Variants in EXOC4 observed in about 807,000 individuals in gnomAD.
EXOC4 encodes exocyst complex component 4.
In EXOC4, 71 loss-of-function variants were observed where a neutral mutation model predicts 107.2. That is an observed-to-expected ratio of 0.66 (90% CI 0.55 to 0.81). The LOEUF is 0.81. EXOC4 is among the 30% of genes least tolerant of loss of function. The probability of loss-of-function intolerance (pLI) is 0.00; values close to 1 mark genes in which losing one functional copy is unlikely to be tolerated. For missense variants in EXOC4, 1,108 were observed against 1,189.6 expected (o/e 0.93, Z 1.01); for synonymous variants, 456 against 441.2 (o/e 1.03, Z -0.42).
intron 9 of EXOC4, among the ~76,000 whole-genome samples, chr7:133,522,314 G>A (rs1158622152): frequency 6.6e-6 from 1 of 152,036 alleles, no homozygotes; most frequent in Admixed American, 6.6e-5. Flanking sequence ...TATAGACTTT[G>A]CACATAATGA....
At chr7:133,973,291 A>G (rs1208696143) in intron 14 of EXOC4, among the ~76,000 whole-genome samples, 1 of 152,236 alleles carries the variant, frequency 6.6e-6, no homozygotes, top group Non-Finnish European at 1.5e-5. Context: ...GGGGAATGTA[A>G]GTATCAAGGA....
chr7:133,977,655 C>G (rs1793870315), intron 14 of EXOC4, among the ~76,000 whole-genome samples: 1 of 151,588 alleles, frequency 6.6e-6, no homozygotes, highest in African/African-American at 2.4e-5. Flanking sequence ...TTTTTCTTTG[C>G]TTTGGGTTGG....
At chr7:133,257,369 C>T (rs1443164867) in intron 1 of EXOC4, among the ~76,000 whole-genome samples, 2 of 144,724 alleles carry the variant, frequency 1.4e-5, no homozygotes, top group African/African-American at 5.4e-5. Context: ...CACACACGCA[C>T]ACACACACAC....
At chr7:133,332,637 A>G (rs886364805) in intron 5 of EXOC4, among the ~76,000 whole-genome samples, 1 of 152,200 alleles carries the variant, frequency 6.6e-6, no homozygotes, top group Admixed American at 6.5e-5. Context: ...ATATATTTGT[A>G]TATTTTCCTG....
At chr7:133,820,154 A>ATTTTTTTTTTTTT (rs35640945) in intron 11 of EXOC4, among the ~76,000 whole-genome samples, 9 of 70,282 alleles carry the variant, frequency 1.3e-4, no homozygotes, top group East Asian at 3.6e-4. Context: ...CACCTGCTTC[A>ATTTTTTTTTTTTT]TTTTTTTTTT....
Position 133,594,493 on chromosome 7 carries a change from C to CTTTTTTTTTTTTTTTTTTTTTTTTTT in EXOC4, c.1418-35532_1418-35531insTTTTTTTTTTTTTTTTTTTTTTTTTT, listed in dbSNP as rs532692119. On this transcript the variant is annotated intron_variant, in intron 9 of 17. Coordinates refer to ENST00000253861, the MANE Select transcript of EXOC4 (RefSeq NM_021807.4). ...AGACAAGAAATACATAAGCTTGAGT[C>CTTTTTTTTTTTTTTTTTTTTTTTTTT]TTTTTTTTTTTTTTTTTTTTGAGAC... Among the ~76,000 whole-genome samples the CTTTTTTTTTTTTTTTTTTTTTTTTTT allele has an allele frequency of 2.2e-5, 2 of 90,362 alleles. 1 individual carries two copies. Among genetic ancestry groups the CTTTTTTTTTTTTTTTTTTTTTTTTTT allele is most frequent in the African/African-American group, 9.1e-5 (2 of 22,058 alleles). 59.3% of individuals were successfully genotyped at this position (90,362 alleles called of 152,430 possible). A position where few individuals can be genotyped will look rare whatever the true frequency, so the allele number is the denominator to read the frequency against.
intron 14 of EXOC4, among the ~76,000 whole-genome samples, chr7:133,990,020 C>T (rs145510027): frequency 9.2e-5 from 14 of 152,094 alleles, no homozygotes; most frequent in Admixed American, 2.6e-4. Context: ...TATAGCTGTA[C>T]GTATTTTGGG....
At chr7:133,631,004 TGC>T (rs1324495199) in intron 10 of EXOC4, among the ~76,000 whole-genome samples, 1 of 152,200 alleles carries the variant, frequency 6.6e-6, no homozygotes, top group Non-Finnish European at 1.5e-5. Flanking sequence ...CATAACCATG[TGC>T]GCATAGTTAA....
rs561233484 is a variant in EXOC4, at chr7:133,697,417, T to A, written c.1514+67276T>A. On this transcript the variant is annotated intron_variant, in intron 10 of 17. Transcript: ENST00000253861. ...AATGTTATTATTTCCCTTTTTTCCATTGAGCATTGAAGGTTTTTAAAACTT... is the reference window on the plus strand; with the variant it reads ...AATGTTATTATTTCCCTTTTTTCCAATGAGCATTGAAGGTTTTTAAAACTT... 1.0e-3 allele frequency among the ~76,000 whole-genome samples: 155 copies of A among 152,356 alleles called. 1 individual carries two copies. The highest frequency in any genetic ancestry group is 1.5e-3 in the Non-Finnish European group (100 of 68,038).
At chr7:133,743,267 C>T (rs531392292) in intron 10 of EXOC4, among the ~76,000 whole-genome samples, 3 of 152,082 alleles carry the variant, frequency 2.0e-5, no homozygotes, top group African/African-American at 2.4e-5. Flanking sequence ...CTTGTTTTCC[C>T]ATCTCCAGAA....
chr7:134,027,266 A>C (rs183703786), intron 17 of EXOC4, among the ~76,000 whole-genome samples: 22 of 152,300 alleles, frequency 1.4e-4, no homozygotes, highest in African/African-American at 5.1e-4. Context: ...TGAACTGTGG[A>C]GGAAACAGAA....
Position 133,361,453 on chromosome 7 carries a change from T to C in EXOC4, c.1007+4880T>C, listed in dbSNP as rs940316571. 2.0e-5 allele frequency among the ~76,000 whole-genome samples: 3 copies of C among 152,272 alleles called. No homozygotes were observed. In the South Asian group the frequency reaches 6.2e-4, roughly 32 times the overall value. On this transcript the variant is annotated intron_variant, in intron 6 of 17. Transcript: ENST00000253861. Reference sequence around the variant, plus strand: ...CTGCCACCACGCCCGGCTAATTTTTTGTATTTTTTGTAGAGACGGGGTTTC... The same window carrying C: ...CTGCCACCACGCCCGGCTAATTTTTCGTATTTTTTGTAGAGACGGGGTTTC...
intron 13 of EXOC4, among the ~76,000 whole-genome samples, chr7:133,926,825 G>T (rs1409473848): frequency 6.6e-6 from 1 of 152,066 alleles, no homozygotes; most frequent in African/African-American, 2.4e-5. Flanking sequence ...ATTTTATCTG[G>T]AGAATCAAAT....
At chr7:133,582,630 G>A (rs993376209) in intron 9 of EXOC4, among the ~76,000 whole-genome samples, 6 of 150,844 alleles carry the variant, frequency 4.0e-5, no homozygotes, top group South Asian at 2.1e-4. Flanking sequence ...AAAGTTTTTC[G>A]TAATGTTGTT....
At chr7:134,063,702 A>G (rs1032460557) in intron 17 of EXOC4, among the ~76,000 whole-genome samples, 1 of 152,180 alleles carries the variant, frequency 6.6e-6, no homozygotes, top group Admixed American at 6.5e-5. Flanking sequence ...ATATACTACT[A>G]TTAATTTTAT....
chr7:133,812,016 C>T (rs1797243761), intron 10 of EXOC4, among the ~76,000 whole-genome samples: 1 of 152,114 alleles, frequency 6.6e-6, no homozygotes, highest in African/African-American at 2.4e-5. Context: ...TTACACTTTG[C>T]GCCTGGCCAC....
chr7:133,722,286 GA>G (rs1316736673), intron 10 of EXOC4, among the ~76,000 whole-genome samples: 1 of 152,178 alleles, frequency 6.6e-6, no homozygotes, highest in Non-Finnish European at 1.5e-5. Context: ...TAAAACCAGA[GA>G]AAACTGGTAT....
intron 10 of EXOC4, among the ~76,000 whole-genome samples, chr7:133,724,251 A>G (rs1795169307): frequency 6.6e-6 from 1 of 152,154 alleles, no homozygotes. Flanking sequence ...AGAATCCTTC[A>G]CTTTTCCAGT....
rs1800102066 is a variant in EXOC4, at chr7:133,527,428, T to C, written c.1417+47290T>C. On this transcript the variant is annotated intron_variant, in intron 9 of 17. Transcript: ENST00000253861. The stretch of plus-strand genomic sequence containing the variant: ...TCCAAAAAAAATAAAATAAAATAAA[T>C]AAAAATATGTATTTCAGTCATCCAG... Among the ~76,000 whole-genome samples the C allele has an allele frequency of 2.0e-5, 3 of 151,924 alleles. No homozygotes were observed. The South Asian group carries it at 6.2e-4, about 31-fold the overall frequency.
Sources: allele counts gnomAD v4.1 joint callset (sites outside exome capture counted in the v4.1 genomes callset), GRCh38; gene constraint gnomAD v4.1.1; transcripts MANE v1.5; gene names NCBI Gene and HGNC (gene_info 2026-07-23, HGNC 2026-07-21).